SUMF1: variants seen among roughly 807,000 people sequenced by gnomAD.
SUMF1 encodes sulfatase modifying factor 1.
In SUMF1, 48 loss-of-function variants were observed where a neutral mutation model predicts 47.6. The ratio of observed to expected loss-of-function variants is 1.01; its 90% CI spans 0.80 to 1.28. The LOEUF (loss-of-function observed/expected upper bound fraction) is 1.28. Ranked by LOEUF, SUMF1 falls within the 50% of genes most tolerant of loss-of-function variation. The probability of loss-of-function intolerance (pLI) is 0.00; values close to 1 mark genes in which losing one functional copy is unlikely to be tolerated. For missense variants in SUMF1, 571 were observed against 485.4 expected, an observed-to-expected ratio of 1.18 and a Z score of -1.66; for synonymous variants, 230 against 192.1, an observed-to-expected ratio of 1.20 and a Z score of -1.63.
chr3:4,310,401 AATG>A (rs558147291), intron 8 of SUMF1, among the ~76,000 whole-genome samples: 2 of 152,222 alleles, frequency 1.3e-5, no homozygotes, highest in Non-Finnish European at 2.9e-5. Flanking sequence ...TATCATCTGA[AATG>A]ATATTTTATT....
intron 7 of SUMF1, among the ~76,000 whole-genome samples, chr3:4,377,329 T>C (rs143434456): frequency 1.3e-5 from 2 of 152,042 alleles, no homozygotes; most frequent in East Asian, 1.9e-4. Flanking sequence ...ATGGTTTATC[T>C]TGAAGAAAAA....
At chr3:4,051,691 G>A (rs1394446215) in intron 9 of SUMF1, among the ~76,000 whole-genome samples, 4 of 152,120 alleles carry the variant, frequency 2.6e-5, no homozygotes, top group Non-Finnish European at 4.4e-5. Flanking sequence ...CACTAGCCAT[G>A]CCTGTTAGCA....
chr3:4,163,333 T>TGA (rs977359677), intron 8 of SUMF1, among the ~76,000 whole-genome samples: 9 of 103,228 alleles, frequency 8.7e-5, no homozygotes, highest in African/African-American at 2.2e-4. Flanking sequence ...TTCATGCAGA[T>TGA]GAGAGAGAGA....
intron 8 of SUMF1, among the ~76,000 whole-genome samples, chr3:4,140,861 T>C (rs962942071): frequency 2.0e-5 from 3 of 152,016 alleles, no homozygotes; most frequent in Non-Finnish European, 4.4e-5. Context: ...AAAATAAACC[T>C]CTCAAGGAAT....
intron 8 of SUMF1, among the ~76,000 whole-genome samples, chr3:4,187,096 A>C (rs1452796557): frequency 6.6e-6 from 1 of 152,210 alleles, no homozygotes; most frequent in East Asian, 1.9e-4. Flanking sequence ...TAGGCCAGGC[A>C]CAATGGCTCA....
At chr3:4,462,735 G>T (rs571757994) in intron 1 of SUMF1, among the ~76,000 whole-genome samples, 1 of 152,304 alleles carries the variant, frequency 6.6e-6, no homozygotes, top group Admixed American at 6.5e-5. Context: ...TCATGAGAAA[G>T]CTGGGTGAAT....
chr3:4,188,103 A>G (rs571891122), intron 8 of SUMF1, among the ~76,000 whole-genome samples: 57 of 152,188 alleles, frequency 3.7e-4, no homozygotes, highest in African/African-American at 1.3e-3. Flanking sequence ...TCACCAGAGT[A>G]GCACATGTGT....
intron 8 of SUMF1, among the ~76,000 whole-genome samples, chr3:4,137,415 T>C (rs795298): frequency 0.78 from 117,484 of 149,836 alleles, 46,294 homozygotes; most frequent in Admixed American, 0.84. Flanking sequence ...AGGTGGGAAT[T>C]GAACTATGAG....
chr3:4,346,061 TC>T (rs1699367062), intron 8 of SUMF1, among the ~76,000 whole-genome samples: 1 of 152,054 alleles, frequency 6.6e-6, no homozygotes, highest in Non-Finnish European at 1.5e-5. Context: ...AGACTTAGAC[TC>T]CCACACAATA....
chr3:4,106,959 A>G (rs79154571), intron 8 of SUMF1, among the ~76,000 whole-genome samples: 3,233 of 152,202 alleles, frequency 0.021, 125 homozygotes, highest in African/African-American at 0.073. Flanking sequence ...AACATAAAAG[A>G]GAAAAAAAAT....
At chr3:4,393,848 C>G (rs1036079982) in intron 7 of SUMF1, among the ~76,000 whole-genome samples, 3 of 151,988 alleles carry the variant, frequency 2.0e-5, no homozygotes, top group Admixed American at 6.6e-5. Flanking sequence ...TTTTTCTTTA[C>G]AATTTTGTTC....
At chr3:4,176,722 C>T (rs976631469) in intron 8 of SUMF1, among the ~76,000 whole-genome samples, 3 of 152,044 alleles carry the variant, frequency 2.0e-5, no homozygotes, top group African/African-American at 7.2e-5. Context: ...CTAAATGCCC[C>T]CATTAAAAGA....
intron 8 of SUMF1, among the ~76,000 whole-genome samples, chr3:4,301,759 T>C (rs1309561802): frequency 6.6e-6 from 1 of 152,194 alleles, no homozygotes; most frequent in Non-Finnish European, 1.5e-5. Context: ...AAGAAGTCAA[T>C]TCAGATTATT....
chr3:4,449,370 G>A (rs781544758), intron 2 of SUMF1, 30 bp from the exon 3 acceptor site: 2 of 1,611,028 alleles, frequency 1.2e-6, no homozygotes, highest in Non-Finnish European at 1.7e-6. Flanking sequence ...TAAAAATCCA[G>A]AAAAGGTTGT....
At chr3:4,178,587 C>T (rs1308668388) in intron 8 of SUMF1, among the ~76,000 whole-genome samples, 1 of 152,170 alleles carries the variant, frequency 6.6e-6, no homozygotes, top group African/African-American at 2.4e-5. Flanking sequence ...CAATATCATA[C>T]TGAATGGGCA....
Position 4,111,483 on chromosome 3 carries a change from G to A in SUMF1, c.1015-42738C>T, listed in dbSNP as rs930828996. Reference sequence around the variant, plus strand: ...GCCTGTAATGCCAGCACTTTGGGAGGCCAAGGCGGGTGGATCACGAGGTCA... The same window carrying A: ...GCCTGTAATGCCAGCACTTTGGGAGACCAAGGCGGGTGGATCACGAGGTCA... On this transcript the variant is annotated intron_variant and NMD_transcript_variant, in intron 8 of 12. Coordinates refer to the SUMF1 transcript ENST00000448413. Among the ~76,000 whole-genome samples, 3 of 152,064 alleles carry A rather than the reference G, an allele frequency of 2.0e-5. No homozygotes were observed. The East Asian group carries it at 5.8e-4, about 29-fold the overall frequency.
At chr3:4,219,666 G>A (rs1401877672) in intron 8 of SUMF1, among the ~76,000 whole-genome samples, 2 of 152,192 alleles carry the variant, frequency 1.3e-5, no homozygotes, top group Admixed American at 1.3e-4. Context: ...CTAACAAGCT[G>A]GAATTTACCA....
At chr3:4,443,210 G>A (rs1023014043) in intron 3 of SUMF1, among the ~76,000 whole-genome samples, 1 of 151,974 alleles carries the variant, frequency 6.6e-6, no homozygotes, top group South Asian at 2.1e-4. Context: ...CCCAGTAGGT[G>A]GAGGGTACAG....
intron 8 of SUMF1, among the ~76,000 whole-genome samples, chr3:4,260,417 A>G (rs1354620837): frequency 6.6e-6 from 1 of 152,220 alleles, no homozygotes; most frequent in East Asian, 1.9e-4. Flanking sequence ...TGAAATTTCT[A>G]CATTTTAAAA....
Sources: gnomAD v4.1 joint callset for allele counts (sites outside exome capture counted in the v4.1 genomes callset) on GRCh38, gnomAD v4.1.1 for gene constraint, MANE v1.5 for transcripts, NCBI Gene and HGNC (gene_info 2026-07-23, HGNC 2026-07-21) for gene names.